Variants in MIOX observed in about 807,000 individuals in gnomAD.
MIOX encodes the protein inositol oxygenase.
Under a neutral mutation model 42.7 loss-of-function variants are expected in MIOX, and 51 were observed. The observed-to-expected ratio is 1.19, with a 90% confidence interval of 0.95 to 1.51. The LOEUF (loss-of-function observed/expected upper bound fraction) is 1.51, where lower values mean the gene tolerates loss of function less well. MIOX is among the 40% of genes most tolerant of loss of function. The pLI, the probability that MIOX is intolerant of heterozygous loss-of-function variation, is 0.00. For missense variants in MIOX, 395 were observed against 381.3 expected, an observed-to-expected ratio of 1.04 and a Z score of -0.30; for synonymous variants, 168 against 154.4, an observed-to-expected ratio of 1.09 and a Z score of -0.65.
At chr22:50,489,364 G>T (rs1350412471) in intron 7 of MIOX, 33 bp from the exon 8 acceptor site, 6 of 1,524,476 alleles carry the variant, frequency 3.9e-6, no homozygotes, top group African/African-American at 1.4e-5. Flanking sequence ...TGGGGCAGAG[G>T]CAGTGCCTGC....
chr22:50,487,534 C>T (rs1373646760), intron 2 of MIOX, 69 bp downstream of exon 2: 1 of 1,567,506 alleles, frequency 6.4e-7, no homozygotes, highest in Non-Finnish European at 8.7e-7. Context: ...TTGCCCTTCA[C>T]ACAGTTCCAG....
chr22:50,489,013 C>A (rs62239484), intron 5 of MIOX, 27 bp from the exon 6 acceptor site: 140,201 of 1,477,158 alleles, frequency 0.095, 8,838 homozygotes, highest in African/African-American at 0.13. Flanking sequence ...CCCCCCATGG[C>A]CTCCCGTCCC....
chr22:50,487,045 A>G, intron 1 of MIOX, 133 bp downstream of exon 1: 2 of 1,185,110 alleles, frequency 1.7e-6, no homozygotes, highest in Non-Finnish European at 2.4e-6. Flanking sequence ...GCGGCTGCCG[A>G]CCCCCAGGCT....
rs8140686 is a variant in MIOX, at chr22:50,490,565, T to C, written c.*709T>C. The C allele has an allele frequency of 0.22, 33,395 of 151,928 alleles. 3,930 individuals are homozygous for C. The highest frequency in any genetic ancestry group is 0.25 in the African/African-American group (10,481 of 41,356). The allele number at this position is 151,928 out of a possible 1,614,324, so 9.4% of individuals were successfully genotyped here. A position where few individuals can be genotyped will look rare whatever the true frequency, so the allele number is the denominator to read the frequency against. ...CCCGGGAGACAGGGGTTGCCGTGAG[T>C]CAAGATTGTGCCACTGCACTCCAAC... On this transcript the variant is annotated 3_prime_UTR_variant, in exon 10 of 10. Transcript: ENST00000216075.
intron 1 of MIOX, among the ~76,000 whole-genome samples, chr22:50,487,177 A>T (rs565554977): frequency 3.3e-5 from 5 of 152,260 alleles, no homozygotes; most frequent in Non-Finnish European, 7.4e-5. Context: ...CGCTTTGCAG[A>T]TGAGGACCTG....
At chr22:50,488,150 C>T (rs1248981159) in intron 4 of MIOX, 102 bp downstream of exon 4, 2 of 1,582,320 alleles carry the variant, frequency 1.3e-6, no homozygotes, top group African/African-American at 2.7e-5. Flanking sequence ...CAGGCCTCCT[C>T]CAGCAGCCCT....
intron 2 of MIOX, 85 bp from the exon 3 acceptor site, chr22:50,487,577 C>T: frequency 6.5e-7 from 1 of 1,544,934 alleles, no homozygotes; most frequent in Middle Eastern, 1.7e-4. Flanking sequence ...ACCCCCATCA[C>T]ACCCTGTGGG....
Position 50,489,145 on chromosome 22 carries a change from T to C in MIOX, c.514T>C (p.Tyr172His). The C allele has an allele frequency of 1.2e-6, 2 of 1,613,242 alleles. No individual in the cohort carries two copies. Among genetic ancestry groups the C allele is most frequent in the Non-Finnish European group, 1.7e-6 (2 of 1,179,872 alleles). The change falls in exon 6 of 10, where the codon TAC becomes CAC. Residue 172 changes from tyrosine (Y) to histidine (H), a missense_variant. By Grantham distance (83) the Tyr-to-His change is moderately conservative. Transcript: ENST00000216075. ...QDNPDLQDPR[Y>H]STELGMYQPH... ...CAACCCTGACCTCCAGGATCCTCGA[T>C]ACAGGTGCTCCCTGCTGCTGAGGGC... is the stretch of plus-strand genomic sequence containing the variant.
chr22:50,487,527 C>T, intron 2 of MIOX, 62 bp downstream of exon 2: 1 of 1,568,402 alleles, frequency 6.4e-7, no homozygotes, highest in Non-Finnish European at 8.7e-7. Context: ...GCAGCACTTG[C>T]CCTTCACACA....
rs2068342064 is a variant in MIOX, at chr22:50,490,017, T to C, written c.*161T>C. The C allele has an allele frequency of 4.7e-6, 3 of 633,870 alleles. No homozygotes were observed. Among genetic ancestry groups the C allele is most frequent in the Non-Finnish European group, 5.6e-6 (2 of 358,846 alleles). The allele number at this position is 633,870 out of a possible 1,614,324, so 39.3% of individuals were successfully genotyped here. The stretch of plus-strand genomic sequence containing the variant: ...CCCTCACGGCAACTTGTGCCTGGCG[T>C]CAATAAAGACCTGGAAGGATGTTGT... On this transcript the variant is annotated 3_prime_UTR_variant, in exon 10 of 10. Coordinates refer to ENST00000216075, the MANE Select transcript of MIOX (RefSeq NM_017584.6).
Position 50,487,693 on chromosome 22 carries a change from C to G in MIOX, c.128C>G (p.Thr43Ser). 1 of 1,613,854 alleles carries G rather than the reference C, an allele frequency of 6.2e-7. No homozygotes were observed. The highest frequency in any genetic ancestry group is 8.5e-7 in the Non-Finnish European group (1 of 1,179,996). The change falls in exon 3 of 10, where the codon ACC (threonine) becomes AGC (serine). Residue 43 changes from threonine (T) to serine (S), a missense_variant. Coordinates refer to ENST00000216075, the MANE Select transcript of MIOX (RefSeq NM_017584.6). Reference sequence around the variant, plus strand: ...CCCCTCCTGGACCGTGTCTTCACCACCTACAAGCTCATGCACACGCACCAG... The same window carrying G: ...CCCCTCCTGGACCGTGTCTTCACCAGCTACAAGCTCATGCACACGCACCAG... ...SGPLLDRVFTTYKLMHTHQTV... is the reference protein window; with the variant it reads ...SGPLLDRVFTSYKLMHTHQTV...
At chr22:50,489,686 G>C (rs746107905) in intron 9 of MIOX, 42 bp downstream of exon 9, 1 of 1,591,112 alleles carries the variant, frequency 6.3e-7, no homozygotes, top group South Asian at 1.1e-5. Context: ...GGGAGTGAAA[G>C]AGGGGGTTGG....
Position 50,489,167 on chromosome 22 carries a change from G to C in MIOX, c.518+18G>C. On this transcript the variant is annotated intron_variant, in intron 6 of 9. Coordinates refer to ENST00000216075, the MANE Select transcript of MIOX (RefSeq NM_017584.6). ...CGATACAGGTGCTCCCTGCTGCTGAGGGCTGGGCCCCCTTCCCTGGGCGGC... is the reference window on the plus strand; with the variant it reads ...CGATACAGGTGCTCCCTGCTGCTGACGGCTGGGCCCCCTTCCCTGGGCGGC... 6.2e-7 allele frequency: 1 copy of C among 1,612,768 alleles called. No individual in the cohort carries two copies. The highest frequency in any genetic ancestry group is 8.5e-7 in the Non-Finnish European group (1 of 1,179,732).
chr22:50,487,505 A>G (rs2068285213), intron 2 of MIOX, 40 bp downstream of exon 2: 9 of 1,587,960 alleles, frequency 5.7e-6, no homozygotes, highest in Non-Finnish European at 7.8e-6. Flanking sequence ...TCCCCCATCC[A>G]CACCCTGGGG....
At position 50,489,800 on chromosome 22, in the gene MIOX, C is replaced by A. The variant is rs751834234; in HGVS notation, c.802C>A (p.Arg268=). 6.2e-7 allele frequency: 1 copy of A among 1,611,934 alleles called. No individual in the cohort carries two copies. The highest frequency in any genetic ancestry group is 1.3e-5 in the African/African-American group (1 of 74,886). The change falls in exon 10 of 10, where the codon CGG becomes AGG. Residue 268 remains arginine, a synonymous_variant. Transcript: ENST00000216075. ...GGACCTGCCGGACGTGGACAAGCTGCGGCCCTACTACCAGGGGCTCATTGA... is the reference window on the plus strand; with the variant it reads ...GGACCTGCCGGACGTGGACAAGCTGAGGCCCTACTACCAGGGGCTCATTGA... The part of the protein sequence containing the change: ...CPDLPDVDKL[R]PYYQGLIDKY...
intron 3 of MIOX, 54 bp downstream of exon 3, chr22:50,487,796 C>T: frequency 6.2e-7 from 1 of 1,611,326 alleles, no homozygotes; most frequent in East Asian, 2.2e-5. Flanking sequence ...GCCCTCAGCC[C>T]CATGAGCCCA....
At position 50,489,937 on chromosome 22, in the gene MIOX, C is replaced by A; in HGVS notation, c.*81C>A. ...AGAGGCCTGGCCCTGGGCAAACAGCCGCCATCAGGGTTCACCTCGGTGGGG... is the reference window on the plus strand; with the variant it reads ...AGAGGCCTGGCCCTGGGCAAACAGCAGCCATCAGGGTTCACCTCGGTGGGG... On this transcript the variant is annotated 3_prime_UTR_variant, in exon 10 of 10. Coordinates refer to ENST00000216075, the MANE Select transcript of MIOX (RefSeq NM_017584.6). 2.2e-6 allele frequency: 3 copies of A among 1,379,370 alleles called. No individual in the cohort carries two copies. The highest frequency in any genetic ancestry group is 3.0e-6 in the Non-Finnish European group (3 of 984,474). The allele number at this position is 1,379,370 out of a possible 1,614,324, so 85.4% of individuals were successfully genotyped here.
In MIOX at chr22:50,488,362, G is replaced by A. The variant is rs199548210; in HGVS notation, c.408+20G>A. 3.8e-6 allele frequency: 6 copies of A among 1,575,014 alleles called. No homozygotes were observed. Among genetic ancestry groups the A allele is most frequent in the African/African-American group, 1.3e-5 (1 of 74,172 alleles). On this transcript the variant is annotated intron_variant, in intron 5 of 9. Transcript: ENST00000216075. ...CCCCAGGTAAGAGTTGGAAGTGGAG[G>A]GTGAGGAGGCTGCATGTTGAGGCAA...
chr22:50,489,213 G>C lies in MIOX; in HGVS notation c.519-15G>C. On this transcript the variant is annotated splice_polypyrimidine_tract_variant and intron_variant, in intron 6 of 9. Transcript: ENST00000216075. ...GCGGCTGCTGAGCCCTCCTCACCCT[G>C]GTATCTCACTGCAGCACAGAGCTCG... is the stretch of plus-strand genomic sequence containing the variant. 1 of 1,610,760 alleles carries C rather than the reference G, an allele frequency of 6.2e-7. No homozygotes were observed. Among genetic ancestry groups the C allele is most frequent in the Non-Finnish European group, 8.5e-7 (1 of 1,179,710 alleles).
Sources: allele counts gnomAD v4.1 joint callset (sites outside exome capture counted in the v4.1 genomes callset), GRCh38; gene constraint gnomAD v4.1.1; transcripts MANE v1.5; gene names NCBI Gene and HGNC (gene_info 2026-07-23, HGNC 2026-07-21).